Variants in SYTL1 observed in about 807,000 individuals in gnomAD.
The protein encoded by SYTL1 is synaptotagmin-like protein 1.
SYTL1 carries 53 observed loss-of-function variants against 74.6 expected under a neutral mutation model. The ratio of observed to expected loss-of-function variants is 0.71; its 90% CI spans 0.57 to 0.89. SYTL1 has a LOEUF of 0.89. Ranked by LOEUF, SYTL1 falls within the 40% of genes least tolerant of loss-of-function variation. The pLI is 0.00. For missense variants in SYTL1, 728 were observed against 768.7 expected (o/e 0.95, Z 0.63); for synonymous variants, 329 against 324.9 (o/e 1.01, Z -0.14).
rs1393551141 is a variant in SYTL1, at chr1:27,342,801, C to T, written c.-39+651C>T. Among the ~76,000 whole-genome samples, 1 of 152,234 alleles carries T rather than the reference C, an allele frequency of 6.6e-6. No individual in the cohort carries two copies. The highest frequency in any genetic ancestry group is 1.9e-4 in the East Asian group (1 of 5,196). On this transcript the variant is annotated intron_variant, in intron 1 of 14. Coordinates refer to ENST00000616558, the MANE Select transcript of SYTL1 (RefSeq NM_001193308.2). The surrounding 1 kb of genome is among the most constrained non-coding windows in gnomAD (Gnocchi z 4.7). ...GACTCGGACCCACACAGCCACACAACAGGGCACAGAGAGGGACGTGGGCTC... is the reference window on the plus strand; with the variant it reads ...GACTCGGACCCACACAGCCACACAATAGGGCACAGAGAGGGACGTGGGCTC...
Position 27,347,646 on chromosome 1 carries a change from C to T in SYTL1, c.340+77C>T. On this transcript the variant is annotated intron_variant, in intron 3 of 14. Coordinates refer to ENST00000616558, the MANE Select transcript of SYTL1 (RefSeq NM_001193308.2). The surrounding 1 kb of genome is among the most constrained non-coding windows in gnomAD (Gnocchi z 4.9). ...GCTGTATGTGGACAGGGAGAGAGGACCACTAGGGCTCCAGTCCTGGCTGCC... is the reference window on the plus strand; with the variant it reads ...GCTGTATGTGGACAGGGAGAGAGGATCACTAGGGCTCCAGTCCTGGCTGCC... The T allele has an allele frequency of 1.3e-6, 2 of 1,569,320 alleles. No homozygotes were observed. Among genetic ancestry groups the T allele is most frequent in the Non-Finnish European group, 1.7e-6 (2 of 1,154,034 alleles).
chr1:27,343,548 G>A lies in SYTL1; in HGVS notation c.-39+1398G>A, dbSNP rs2014866398. On this transcript the variant is annotated intron_variant, in intron 1 of 14. Transcript: ENST00000616558. This position sits in a 1 kb window ranked among gnomAD's most constrained non-coding sequence, Gnocchi z 5.2. ...CAGGGTGGAGGTGGTGGCAGGAGGGGACCCAGGCTGTGAGGTTCCTGGTGC... is the reference window on the plus strand; with the variant it reads ...CAGGGTGGAGGTGGTGGCAGGAGGGAACCCAGGCTGTGAGGTTCCTGGTGC... Among the ~76,000 whole-genome samples, 1 of 152,118 alleles carries A rather than the reference G, an allele frequency of 6.6e-6. No homozygotes were observed. The highest frequency in any genetic ancestry group is 1.5e-5 in the Non-Finnish European group (1 of 67,998).
rs1354218739 is a variant in SYTL1, at chr1:27,345,676, CACTTCTCCAGGGGTG to C, written c.191+155_191+169del. ...TGGCCTTGGCCAGCTCACAGCTCATCACTTCTCCAGGGGTGACTGCACCAGCTTTCTCGCCAGCCT... is the reference window on the plus strand; with the variant it reads ...TGGCCTTGGCCAGCTCACAGCTCATCACTGCACCAGCTTTCTCGCCAGCCT... On this transcript the variant is annotated intron_variant, in intron 2 of 14. Coordinates refer to ENST00000616558, the MANE Select transcript of SYTL1 (RefSeq NM_001193308.2). The surrounding 1 kb of genome is among the most constrained non-coding windows in gnomAD (Gnocchi z 6.0). The C allele has an allele frequency of 7.2e-6, 4 of 554,358 alleles. No individual in the cohort carries two copies. The highest frequency in any genetic ancestry group is 3.8e-5 in the Admixed American group (1 of 26,552). 34.3% of individuals were successfully genotyped at this position (554,358 alleles called of 1,614,324 possible). A position where few individuals can be genotyped will look rare whatever the true frequency, so the allele number is the denominator to read the frequency against.
chr1:27,342,256 C>A lies in SYTL1; in HGVS notation c.-39+106C>A, dbSNP rs1223898477. On this transcript the variant is annotated intron_variant, in intron 1 of 14. Coordinates refer to ENST00000616558, the MANE Select transcript of SYTL1 (RefSeq NM_001193308.2). The surrounding 1 kb of genome is among the most constrained non-coding windows in gnomAD (Gnocchi z 4.7). ...GCACCTTGGGGTTGGGGGAGGTGGG[C>A]ACATGTCTGGAACTGGAACAGCTGG... is the stretch of plus-strand genomic sequence containing the variant. 10 of 848,254 alleles carry A rather than the reference C, an allele frequency of 1.2e-5. No homozygotes were observed. Among genetic ancestry groups the A allele is most frequent in the African/African-American group, 9.2e-5 (5 of 54,506 alleles). The allele number at this position is 848,254 out of a possible 1,614,324, so 52.5% of individuals were successfully genotyped here.
intron 5 of SYTL1, 55 bp from the exon 6 acceptor site, chr1:27,349,025 T>G: frequency 1.4e-6 from 2 of 1,405,896 alleles, no homozygotes; most frequent in East Asian, 4.6e-5. Context: ...ATATGACCTT[T>G]GACCTCTTCC....
Position 27,342,452 on chromosome 1 carries a change from C to A in SYTL1, c.-39+302C>A. The stretch of plus-strand genomic sequence containing the variant: ...GGACGCTGGGCTGATGCCCATGGCC[C>A]AGCTCAGGCAGGCCTGAAGGACAGA... On this transcript the variant is annotated intron_variant, in intron 1 of 14. Transcript: ENST00000616558. The surrounding 1 kb of genome is among the most constrained non-coding windows in gnomAD (Gnocchi z 4.7). 1 of 475,794 alleles carries A rather than the reference C, an allele frequency of 2.1e-6. No individual in the cohort carries two copies. Among genetic ancestry groups the A allele is most frequent in the Non-Finnish European group, 2.7e-6 (1 of 364,416 alleles). The allele number at this position is 475,794 out of a possible 1,614,324, so 29.5% of individuals were successfully genotyped here.
chr1:27,350,850 C>T lies in SYTL1; in HGVS notation c.1062C>T (p.His354=). 6.2e-7 allele frequency: 1 copy of T among 1,613,840 alleles called. No individual in the cohort carries two copies. Among genetic ancestry groups the T allele is most frequent in the Non-Finnish European group, 8.5e-7 (1 of 1,180,024 alleles). The change falls in exon 11 of 15, where the codon CAC becomes CAT. Residue 354 remains histidine (H), a synonymous_variant. Coordinates refer to ENST00000616558, the MANE Select transcript of SYTL1 (RefSeq NM_001193308.2). This position sits in a 1 kb window ranked among gnomAD's most constrained non-coding sequence, Gnocchi z 6.3. The part of the protein sequence containing the change: ...QGRVLSLSVW[H]RESLGRNIFL... Reference sequence around the variant, plus strand: ...GCGTGCTGAGCCTGTCTGTGTGGCACCGCGAAAGCCTGGGTCGCAACATCT... The same window carrying T: ...GCGTGCTGAGCCTGTCTGTGTGGCATCGCGAAAGCCTGGGTCGCAACATCT...
At position 27,351,907 on chromosome 1, in the gene SYTL1, C is replaced by G. The variant is rs2015294038; in HGVS notation, c.1343+352C>G. 1 of 216,500 alleles carries G rather than the reference C, an allele frequency of 4.6e-6. No homozygotes were observed. 13.4% of individuals were successfully genotyped at this position (216,500 alleles called of 1,614,324 possible). A position where few individuals can be genotyped will look rare whatever the true frequency, so the allele number is the denominator to read the frequency against. On this transcript the variant is annotated intron_variant, in intron 13 of 14. Transcript: ENST00000616558. This position sits in a 1 kb window ranked among gnomAD's most constrained non-coding sequence, Gnocchi z 5.0. ...TTCTAGGGGTGCCTCCAGGTGCTGC[C>G]CCCACTGTTAGAGAGTGAAATGGAG...
Position 27,349,766 on chromosome 1 carries a change from G to A in SYTL1, c.747+1G>A, listed in dbSNP as rs773179745. 1.9e-6 allele frequency: 3 copies of A among 1,595,978 alleles called. No homozygotes were observed. Among genetic ancestry groups the A allele is most frequent in the Non-Finnish European group, 2.6e-6 (3 of 1,176,200 alleles). On this transcript the variant is annotated splice_donor_variant, in intron 8 of 14. Transcript: ENST00000616558. LOFTEE classifies it high-confidence loss of function. ...GGTGTCCAGCCTTAACTCCTCCACG[G>A]TGAGGCGGGAGGGAGGGGACCCGGG... is the stretch of plus-strand genomic sequence containing the variant.
rs763440908 is a variant in SYTL1, at chr1:27,345,357, C to T, written c.23C>T (p.Ser8Leu). 13 of 1,536,986 alleles carry T rather than the reference C, an allele frequency of 8.5e-6. No individual in the cohort carries two copies. Among genetic ancestry groups the T allele is most frequent in the South Asian group, 3.6e-5 (3 of 82,384 alleles). Residue 8 changes from serine to leucine, a missense_variant, in exon 2 of 15, where the codon TCG becomes TTG. Physicochemically the swap from Ser to Leu is moderately radical, Grantham distance 145 (BLOSUM62 -2). Transcript: ENST00000616558. The surrounding 1 kb of genome is among the most constrained non-coding windows in gnomAD (Gnocchi z 6.0). MPQRGHP[S>L]QEGLWALPSL... ...CTGATGCCCCAGAGGGGCCACCCATCGCAAGAGGGGCTTTGGGCTCTGCCC... is the reference window on the plus strand; with the variant it reads ...CTGATGCCCCAGAGGGGCCACCCATTGCAAGAGGGGCTTTGGGCTCTGCCC...
chr1:27,348,475 G>A lies in SYTL1; in HGVS notation c.459+463G>A, dbSNP rs1345693032. ...TCACGCCTATAATCCCAGCACTTTG[G>A]GAAGCCGAGATCACCTGAGGTCAGG... On this transcript the variant is annotated intron_variant, in intron 5 of 14. Transcript: ENST00000616558. The surrounding 1 kb of genome is among the most constrained non-coding windows in gnomAD (Gnocchi z 4.1). Among the ~76,000 whole-genome samples, 1 of 152,006 alleles carries A rather than the reference G, an allele frequency of 6.6e-6. No homozygotes were observed. The highest frequency in any genetic ancestry group is 2.4e-5 in the African/African-American group (1 of 41,364).
Position 27,350,677 on chromosome 1 carries a change from G to C in SYTL1, c.1006-117G>C, listed in dbSNP as rs181639831. On this transcript the variant is annotated intron_variant, in intron 10 of 14. Coordinates refer to ENST00000616558, the MANE Select transcript of SYTL1 (RefSeq NM_001193308.2). The surrounding 1 kb of genome is among the most constrained non-coding windows in gnomAD (Gnocchi z 6.3). ...GTGCAGGTCCCCATTAATGCCCTTA[G>C]GGGCTCCCCAGAATTCCATCATGGT... 270 of 1,325,776 alleles carry C rather than the reference G, an allele frequency of 2.0e-4. No homozygotes were observed. Among genetic ancestry groups the C allele is most frequent in the Admixed American group, 3.4e-4 (17 of 50,462 alleles). 82.1% of individuals were successfully genotyped at this position (1,325,776 alleles called of 1,614,324 possible). A position where few individuals can be genotyped will look rare whatever the true frequency, so the allele number is the denominator to read the frequency against.
chr1:27,347,164 A>G lies in SYTL1; in HGVS notation c.192-257A>G, dbSNP rs539211505. Among the ~76,000 whole-genome samples the G allele has an allele frequency of 6.6e-6, 1 of 152,210 alleles. No homozygotes were observed. The highest frequency in any genetic ancestry group is 2.4e-5 in the African/African-American group (1 of 41,528). On this transcript the variant is annotated intron_variant, in intron 2 of 14. Coordinates refer to ENST00000616558, the MANE Select transcript of SYTL1 (RefSeq NM_001193308.2). This position sits in a 1 kb window ranked among gnomAD's most constrained non-coding sequence, Gnocchi z 4.9. ...AATAAATAAAGGCAATTCAAATGTC[A>G]CCTCCTCTGGGAAGCCCTCCTGGAT...
Position 27,350,448 on chromosome 1 carries a change from AACGG to A in SYTL1, c.970_973del (p.Arg324IlefsTer2). The A allele has an allele frequency of 6.2e-7, 1 of 1,614,052 alleles. No individual in the cohort carries two copies. The highest frequency in any genetic ancestry group is 8.5e-7 in the Non-Finnish European group (1 of 1,179,998). ...AGCAAGCGCAAGACGGCGGTGAAGA[AACGG>A]AATCTGAATCCGGTTTTCAACGAGA... On this transcript the variant is annotated frameshift_variant, in exon 10 of 15. Transcript: ENST00000616558. LOFTEE classifies it high-confidence loss of function. The surrounding 1 kb of genome is among the most constrained non-coding windows in gnomAD (Gnocchi z 6.3).
intron 8 of SYTL1, 58 bp from the exon 9 acceptor site, chr1:27,349,914 C>A: frequency 6.5e-7 from 1 of 1,549,638 alleles, no homozygotes. Flanking sequence ...CCGCGCTGCC[C>A]GCGGCCCCGA....
Position 27,347,681 on chromosome 1 carries a change from G to C in SYTL1, c.340+112G>C. ...TCCAGTCCTGGCTGCCCCCAGTACT[G>C]TGTGTCTTTCAGTGGGCAATGCCCC... On this transcript the variant is annotated intron_variant, in intron 3 of 14. Coordinates refer to ENST00000616558, the MANE Select transcript of SYTL1 (RefSeq NM_001193308.2). The surrounding 1 kb of genome is among the most constrained non-coding windows in gnomAD (Gnocchi z 4.9). 1 of 1,500,904 alleles carries C rather than the reference G, an allele frequency of 6.7e-7. No individual in the cohort carries two copies. The allele number at this position is 1,500,904 out of a possible 1,614,324, so 93.0% of individuals were successfully genotyped here. A position where few individuals can be genotyped will look rare whatever the true frequency, so the allele number is the denominator to read the frequency against.
intron 8 of SYTL1, 35 bp from the exon 9 acceptor site, chr1:27,349,937 G>T: frequency 6.4e-7 from 1 of 1,563,740 alleles, no homozygotes; most frequent in South Asian, 1.2e-5. Flanking sequence ...TGAGCCCTGC[G>T]AGCGGCCCTG....
intron 14 of SYTL1, 21 bp downstream of exon 14, chr1:27,353,509 A>G: frequency 6.3e-7 from 1 of 1,583,864 alleles, no homozygotes; most frequent in Non-Finnish European, 8.6e-7. Flanking sequence ...CAGCACCCTG[A>G]GACAGGCCCT....
At chr1:27,349,009 A>AC in intron 5 of SYTL1, 71 bp from the exon 6 acceptor site, 1 of 1,246,670 alleles carries the variant, frequency 8.0e-7, no homozygotes, top group Non-Finnish European at 1.2e-6. Context: ...ATGACCTCTG[A>AC]CCCCAATATG....
Sources: allele counts gnomAD v4.1 joint callset (sites outside exome capture counted in the v4.1 genomes callset), GRCh38; gene constraint gnomAD v4.1.1; non-coding constraint Gnocchi (gnomAD v3.1); transcripts MANE v1.5; gene names NCBI Gene and HGNC (gene_info 2026-07-23, HGNC 2026-07-21).